The following OXR1 variants were observed in gnomAD, a reference collection of about 807,000 sequenced individuals.
OXR1 encodes oxidation resistance protein 1.
A neutral mutation model predicts 104.6 loss-of-function variants in OXR1; 41 were observed. The ratio of observed to expected loss-of-function variants is 0.39; its 90% CI spans 0.31 to 0.51. The LOEUF (loss-of-function observed/expected upper bound fraction) is 0.51. Among genes scored for constraint, OXR1 ranks in the 20% least tolerant of loss-of-function variants. OXR1 has a pLI of 0.77. For missense variants in OXR1, 955 were observed against 1,031.9 expected (o/e 0.93, Z 1.02); for synonymous variants, 348 against 348.4 (o/e 1.00, Z 0.01).
chr8:106,592,339 A>G (rs1375457007), intron 3 of OXR1, among the ~76,000 whole-genome samples: 5 of 152,204 alleles, frequency 3.3e-5, no homozygotes, highest in Non-Finnish European at 7.3e-5. Flanking sequence ...ACAATGATAA[A>G]GATTTCTGGA....
At chr8:106,711,348 A>G (rs906809793) in intron 10 of OXR1, among the ~76,000 whole-genome samples, 3 of 152,138 alleles carry the variant, frequency 2.0e-5, no homozygotes, top group African/African-American at 7.2e-5. Context: ...GAAACATTAT[A>G]ACAACTTTCC....
At chr8:106,502,798 T>C (rs1811896841) in intron 2 of OXR1, among the ~76,000 whole-genome samples, 1 of 152,198 alleles carries the variant, frequency 6.6e-6, no homozygotes. Context: ...ACCTGTTTTT[T>C]CTAATCCCAG....
intron 3 of OXR1, among the ~76,000 whole-genome samples, chr8:106,574,361 T>C (rs1305836233): frequency 6.6e-6 from 1 of 152,092 alleles, no homozygotes; most frequent in Non-Finnish European, 1.5e-5. Context: ...GCTGGTAACT[T>C]CTCTCCCACT....
chr8:106,624,781 A>T (rs1164066979), intron 3 of OXR1, among the ~76,000 whole-genome samples: 1 of 152,024 alleles, frequency 6.6e-6, no homozygotes, highest in Non-Finnish European at 1.5e-5. Context: ...AAGTTTGCAG[A>T]CCTGATGTTT....
intron 2 of OXR1, among the ~76,000 whole-genome samples, chr8:106,465,078 T>C (rs1821103492): frequency 6.6e-6 from 1 of 151,486 alleles, no homozygotes; most frequent in Admixed American, 6.6e-5. Context: ...AGGAGAAAAA[T>C]AAAAAATGGA....
chr8:106,473,149 G>A (rs12547275), intron 2 of OXR1, among the ~76,000 whole-genome samples: 1 of 151,746 alleles, frequency 6.6e-6, no homozygotes, highest in African/African-American at 2.4e-5. Flanking sequence ...TGGATTCTTG[G>A]TTGGAAGCTC....
At chr8:106,573,611 AGCCAT>A (rs1817630900) in intron 3 of OXR1, among the ~76,000 whole-genome samples, 1 of 152,226 alleles carries the variant, frequency 6.6e-6, no homozygotes, top group African/African-American at 2.4e-5. Flanking sequence ...CTTCAAATAA[AGCCAT>A]TGTAAATGCT....
chr8:106,356,390 T>A (rs1815972942), intron 1 of OXR1, among the ~76,000 whole-genome samples: 1 of 152,128 alleles, frequency 6.6e-6, no homozygotes, highest in Non-Finnish European at 1.5e-5. Context: ...TAAAGTTTAG[T>A]CAAACTGAGG....
chr8:106,309,430 C>T (rs1044485557), intron 1 of OXR1, among the ~76,000 whole-genome samples: 16 of 152,096 alleles, frequency 1.1e-4, no homozygotes, highest in East Asian at 5.8e-4. Context: ...TTTACATAGA[C>T]GATAAATTAG....
At chr8:106,546,086 T>C (rs1208481874) in intron 3 of OXR1, among the ~76,000 whole-genome samples, 1 of 152,072 alleles carries the variant, frequency 6.6e-6, no homozygotes, top group African/African-American at 2.4e-5. Flanking sequence ...TTCAACAAAA[T>C]AAATGTTGAC....
intron 2 of OXR1, among the ~76,000 whole-genome samples, chr8:106,477,514 T>C (rs1821872089): frequency 6.6e-6 from 1 of 152,030 alleles, no homozygotes; most frequent in African/African-American, 2.4e-5. Flanking sequence ...TTCAAGTGTG[T>C]AAGTTTTAAT....
chr8:106,727,480 G>A (rs1784490), intron 11 of OXR1, among the ~76,000 whole-genome samples: 39,289 of 151,930 alleles, frequency 0.26, 5,859 homozygotes, highest in South Asian at 0.39. Context: ...ATGCAGTGGC[G>A]GGATTTTGGC....
chr8:106,740,647 T>A (rs771472002), intron 14 of OXR1, 152 bp downstream of exon 14: 81 of 645,200 alleles, frequency 1.3e-4, no homozygotes, highest in Middle Eastern at 1.1e-3. Context: ...CAATGTTGAG[T>A]ATTACAGAGG....
At chr8:106,429,104 C>T (rs1482639304) in intron 2 of OXR1, among the ~76,000 whole-genome samples, 13 of 152,142 alleles carry the variant, frequency 8.5e-5, no homozygotes, top group Non-Finnish European at 1.9e-4. Flanking sequence ...GAAGCCACGG[C>T]TTTATTGTCC....
At chr8:106,680,656 T>G (rs1384084188) in intron 4 of OXR1, among the ~76,000 whole-genome samples, 5 of 152,188 alleles carry the variant, frequency 3.3e-5, no homozygotes, top group Non-Finnish European at 5.9e-5. Context: ...CCCTTGTTTC[T>G]TTTTGCTTTT....
At chr8:106,413,547 CT>C (rs571428070) in intron 2 of OXR1, among the ~76,000 whole-genome samples, 42 of 152,132 alleles carry the variant, frequency 2.8e-4, no homozygotes, top group Admixed American at 5.9e-4. Context: ...ACTGAAAAGA[CT>C]TTTAGTAGGT....
intron 3 of OXR1, among the ~76,000 whole-genome samples, chr8:106,605,625 T>G: frequency 7.9e-6 from 1 of 126,198 alleles, no homozygotes. Context: ...TGAAACCCCG[T>G]CTCTACTAAA....
intron 2 of OXR1, among the ~76,000 whole-genome samples, chr8:106,472,314 T>C (rs181198731): frequency 2.0e-5 from 3 of 151,898 alleles, no homozygotes; most frequent in Admixed American, 1.3e-4. Context: ...GGGGCTGGTT[T>C]TTTTCCCCAG....
At chr8:106,348,331 A>G (rs1173407923) in intron 1 of OXR1, among the ~76,000 whole-genome samples, 1 of 152,140 alleles carries the variant, frequency 6.6e-6, no homozygotes, top group African/African-American at 2.4e-5. Context: ...CTACCTATTT[A>G]TATATTGCAT....
Sources: gnomAD v4.1 joint callset for allele counts (sites outside exome capture counted in the v4.1 genomes callset) on GRCh38, gnomAD v4.1.1 for gene constraint, MANE v1.5 for transcripts, NCBI Gene and HGNC (gene_info 2026-07-23, HGNC 2026-07-21) for gene names.